The following CFD variants were observed in gnomAD, a reference collection of about 807,000 sequenced individuals.
CFD encodes C3 convertase activator.
A neutral mutation model predicts 21.1 loss-of-function variants in CFD; 24 were observed. The ratio of observed to expected loss-of-function variants is 1.14; its 90% CI spans 0.82 to 1.60. CFD has a LOEUF of 1.60. Among genes scored for constraint, CFD ranks in the 40% most tolerant of loss-of-function variants. The pLI is 0.00. For synonymous variants in CFD, 242 were observed against 175.9 expected (o/e 1.38, Z -2.97); for missense variants, 535 against 383.3 (o/e 1.40, Z -3.31).
Position 863,106 on chromosome 19 carries a change from C to T in CFD, c.630C>T (p.Gly210=), listed in dbSNP as rs756381851. 4 of 1,525,546 alleles carry T rather than the reference C, an allele frequency of 2.6e-6. No homozygotes were observed. In the South Asian group the frequency reaches 3.6e-5, roughly 14 times the overall value. 94.5% of individuals were successfully genotyped at this position (1,525,546 alleles called of 1,614,324 possible). ...RRDSCKGDSG[G]PLVCGGVLEG... ...TGTTCCGGCAGGGTGACTCCGGGGGCCCGCTGGTGTGCGGGGGCGTGCTCG... is the reference window on the plus strand; with the variant it reads ...TGTTCCGGCAGGGTGACTCCGGGGGTCCGCTGGTGTGCGGGGGCGTGCTCG... The change falls in exon 5 of 5, where the codon GGC becomes GGT. Residue 210 remains glycine, a synonymous_variant. Coordinates refer to ENST00000327726, the MANE Select transcript of CFD (RefSeq NM_001928.4).
Position 863,235 on chromosome 19 carries a change from C to T in CFD, c.759C>T (p.Ala253=). 6.5e-7 allele frequency: 1 copy of T among 1,547,102 alleles called. No individual in the cohort carries two copies. Among genetic ancestry groups the T allele is most frequent in the Non-Finnish European group, 8.7e-7 (1 of 1,152,876 alleles). Residue 253 remains alanine (A), a synonymous_variant, in exon 5 of 5, where the codon GCC becomes GCT. Coordinates refer to ENST00000327726, the MANE Select transcript of CFD (RefSeq NM_001928.4). ...CGGCCTGGATCGACAGCGTCCTGGC[C>T]TAGGGTGCCGGGGCCTGAAGGTCAG... ...SYAAWIDSVL[A] is the part of the protein sequence containing the mutation.
chr19:861,306 C>T (rs1253765335), intron 3 of CFD, among the ~76,000 whole-genome samples: 15 of 55,530 alleles, frequency 2.7e-4, no homozygotes, highest in African/African-American at 9.5e-4. Context: ...TCTCTTGCTG[C>T]GCTCGGAGCC....
Position 863,248 on chromosome 19 carries a change from G to T in CFD, c.*10G>T, listed in dbSNP as rs1474188115. On this transcript the variant is annotated 3_prime_UTR_variant, in exon 5 of 5. Coordinates refer to ENST00000327726, the MANE Select transcript of CFD (RefSeq NM_001928.4). ...CAGCGTCCTGGCCTAGGGTGCCGGG[G>T]CCTGAAGGTCAGGGTCACCCAAGCA... 1 of 1,547,376 alleles carries T rather than the reference G, an allele frequency of 6.5e-7. No individual in the cohort carries two copies. The highest frequency in any genetic ancestry group is 8.7e-7 in the Non-Finnish European group (1 of 1,153,080).
intron 1 of CFD, among the ~76,000 whole-genome samples, 170 bp from the exon 2 acceptor site, chr19:860,447 C>A (rs1021663480): frequency 6.6e-6 from 1 of 151,678 alleles, no homozygotes; most frequent in Non-Finnish European, 1.5e-5. Context: ...CCTCCCCCCC[C>A]GCCCCCGCGC....
intron 4 of CFD, among the ~76,000 whole-genome samples, chr19:862,215 T>A (rs1319438995): frequency 1.2e-5 from 1 of 85,562 alleles, no homozygotes; most frequent in African/African-American, 4.8e-5. Context: ...AGGGTGGGGC[T>A]GAAGAAGGGT....
intron 1 of CFD, among the ~76,000 whole-genome samples, chr19:860,067 G>A (rs1015171588): frequency 3.9e-5 from 6 of 152,156 alleles, no homozygotes; most frequent in African/African-American, 1.4e-4. Flanking sequence ...GCCCAGGGTA[G>A]GGCGCTGGGA....
In CFD at chr19:863,124, C is replaced by G; in HGVS notation, c.648C>G (p.Gly216=). 2.0e-6 allele frequency: 3 copies of G among 1,531,544 alleles called. No homozygotes were observed. The highest frequency in any genetic ancestry group is 2.6e-6 in the Non-Finnish European group (3 of 1,143,332). 94.9% of individuals were successfully genotyped at this position (1,531,544 alleles called of 1,614,324 possible). The part of the protein sequence containing the change: ...GDSGGPLVCG[G]VLEGVVTSGS... ...CCGGGGGCCCGCTGGTGTGCGGGGG[C>G]GTGCTCGAGGGCGTGGTCACCTCGG... is the stretch of plus-strand genomic sequence containing the variant. The change falls in exon 5 of 5, where the codon GGC becomes GGG. Residue 216 remains glycine (G), a synonymous_variant. Coordinates refer to ENST00000327726, the MANE Select transcript of CFD (RefSeq NM_001928.4).
Position 860,972 on chromosome 19 carries a change from C to G in CFD, c.324C>G (p.Pro108=), listed in dbSNP as rs758730747. The G allele has an allele frequency of 1.4e-5, 22 of 1,599,510 alleles. No homozygotes were observed. The highest frequency in any genetic ancestry group is 1.6e-4 in the Middle Eastern group (1 of 6,074). Residue 108 remains proline, a synonymous_variant, in exon 3 of 5, where the codon CCC becomes CCG. Coordinates refer to ENST00000327726, the MANE Select transcript of CFD (RefSeq NM_001928.4). ...CAGTGCCCCACCCGGACAGCCAGCC[C>G]GACACCATCGACCACGACCTCCTGC... The part of the protein sequence containing the change: ...LRAVPHPDSQ[P]DTIDHDLLLL...
intron 4 of CFD, 129 bp from the exon 5 acceptor site, chr19:862,963 A>C: frequency 1.0e-6 from 1 of 966,772 alleles, no homozygotes; most frequent in East Asian, 2.7e-5. Flanking sequence ...TTGACTAGTG[A>C]AGACCAAATT....
rs759176909 is a variant in CFD, at chr19:863,225, G to A, written c.749G>A (p.Ser250Asn). 3 of 1,546,068 alleles carry A rather than the reference G, an allele frequency of 1.9e-6. No individual in the cohort carries two copies. The East Asian group carries it at 7.1e-5, about 36-fold the overall frequency. The part of the protein sequence containing the change: ...RVASYAAWID[S>N]VLA Reference sequence around the variant, plus strand: ...GCGAGCTATGCGGCCTGGATCGACAGCGTCCTGGCCTAGGGTGCCGGGGCC... The same window carrying A: ...GCGAGCTATGCGGCCTGGATCGACAACGTCCTGGCCTAGGGTGCCGGGGCC... Residue 250 changes from serine (S) to asparagine (N), a missense_variant, in exon 5 of 5, where the codon AGC becomes AAC. Ser to Asn is a conservative substitution (Grantham distance 46, BLOSUM62 1). Coordinates refer to ENST00000327726, the MANE Select transcript of CFD (RefSeq NM_001928.4).
Position 863,087 on chromosome 19 carries a change from G to T in CFD, c.616-5G>T, listed in dbSNP as rs1008442120. The T allele has an allele frequency of 1.3e-6, 2 of 1,520,560 alleles. No individual in the cohort carries two copies. The highest frequency in any genetic ancestry group is 2.0e-5 in the Admixed American group (1 of 50,620). The allele number at this position is 1,520,560 out of a possible 1,614,324, so 94.2% of individuals were successfully genotyped here. ...GCCCCTCACGGCCCCGTCCTGTTCC[G>T]GCAGGGTGACTCCGGGGGCCCGCTG... On this transcript the variant is annotated splice_region_variant and splice_polypyrimidine_tract_variant and intron_variant, in intron 4 of 4. Transcript: ENST00000327726.
At chr19:862,654 C>T (rs576072441) in intron 4 of CFD, among the ~76,000 whole-genome samples, 3 of 144,528 alleles carry the variant, frequency 2.1e-5, no homozygotes, top group South Asian at 2.2e-4. Flanking sequence ...GCATGGTAGC[C>T]GGGGCCAAGA....
Position 861,843 on chromosome 19 carries a change from C to G in CFD, c.502C>G (p.His168Asp). Residue 168 changes from histidine (H) to aspartate (D), a missense_variant, in exon 4 of 5, where the codon CAC (histidine) becomes GAC (aspartate). Transcript: ENST00000327726. ...HAGRRPDSLQ[H>D]VLLPVLDRAT... ...GGGCCGCCGCCCGGACAGCCTGCAG[C>G]ACGTGCTCTTGCCAGTGCTGGACCG... The G allele has an allele frequency of 6.2e-7, 1 of 1,600,070 alleles. No homozygotes were observed. Among genetic ancestry groups the G allele is most frequent in the South Asian group, 1.1e-5 (1 of 90,614 alleles).
chr19:860,676 T>C lies in CFD; in HGVS notation c.115T>C (p.Tyr39His). The C allele has an allele frequency of 2.6e-6, 4 of 1,535,180 alleles. No individual in the cohort carries two copies. Among genetic ancestry groups the C allele is most frequent in the Non-Finnish European group, 2.6e-6 (3 of 1,150,520 alleles). Residue 39 changes from tyrosine (Y) to histidine (H), a missense_variant, in exon 2 of 5, where the codon TAC (tyrosine) becomes CAC (histidine). By Grantham distance (83) the Tyr-to-His change is moderately conservative. Transcript: ENST00000327726. Reference sequence around the variant, plus strand: ...AGAGGCCGAGGCGCACGCGCGGCCCTACATGGCGTCGGTGCAGCTGAACGG... The same window carrying C: ...AGAGGCCGAGGCGCACGCGCGGCCCCACATGGCGTCGGTGCAGCTGAACGG... ...GREAEAHARP[Y>H]MASVQLNGAH...
At chr19:863,036 A>C in intron 4 of CFD, 56 bp from the exon 5 acceptor site, 1 of 1,465,900 alleles carries the variant, frequency 6.8e-7, no homozygotes, top group Non-Finnish European at 9.0e-7. Flanking sequence ...GGGGTCTAAC[A>C]CGTGAGGCCG....
At chr19:859,806 G>A (rs762996252) in intron 1 of CFD, 62 bp downstream of exon 1, 36 of 1,337,316 alleles carry the variant, frequency 2.7e-5, no homozygotes, top group Non-Finnish European at 3.6e-5. Flanking sequence ...GCTCCCTTCC[G>A]TCACACGGAC....
In CFD at chr19:863,204, G is replaced by C. The variant is rs571091026; in HGVS notation, c.728G>C (p.Ser243Thr). The C allele has an allele frequency of 1.9e-6, 3 of 1,541,662 alleles. No homozygotes were observed. The highest frequency in any genetic ancestry group is 2.0e-5 in the Admixed American group (1 of 51,180). Residue 243 changes from serine (S) to threonine (T), a missense_variant, in exon 5 of 5, where the codon AGC becomes ACC. Transcript: ENST00000327726. The stretch of plus-strand genomic sequence containing the variant: ...CCCGGGATCTACACCCGCGTGGCGA[G>C]CTATGCGGCCTGGATCGACAGCGTC... ...KKPGIYTRVA[S>T]YAAWIDSVLA is the part of the protein sequence containing the mutation.
intron 4 of CFD, among the ~76,000 whole-genome samples, chr19:862,246 G>A (rs1464109099): frequency 7.2e-6 from 1 of 139,614 alleles, no homozygotes; most frequent in African/African-American, 2.7e-5. Context: ...AGAAAGGGCA[G>A]GAACGGGTGG....
Position 860,864 on chromosome 19 carries a change from C to G in CFD, c.216C>G (p.Ala72=). 1 of 1,571,718 alleles carries G rather than the reference C, an allele frequency of 6.4e-7. No individual in the cohort carries two copies. Among genetic ancestry groups the G allele is most frequent in the Non-Finnish European group, 8.6e-7 (1 of 1,165,036 alleles). Residue 72 remains alanine, a synonymous_variant, in exon 3 of 5, where the codon GCC becomes GCG. Transcript: ENST00000327726. ...LSAAHCLEDA[A]DGKVQVLLGA... ...GCGGACTCCGTCCGGTCCCCAGGGCCGACGGGAAGGTGCAGGTTCTCCTGG... is the reference window on the plus strand; with the variant it reads ...GCGGACTCCGTCCGGTCCCCAGGGCGGACGGGAAGGTGCAGGTTCTCCTGG...
Sources: gnomAD v4.1 joint callset for allele counts (sites outside exome capture counted in the v4.1 genomes callset) on GRCh38, gnomAD v4.1.1 for gene constraint, MANE v1.5 for transcripts, NCBI Gene and HGNC (gene_info 2026-07-23, HGNC 2026-07-21) for gene names.